HS3ST5: variants seen among roughly 807,000 people sequenced by gnomAD.
HS3ST5 encodes heparan sulfate-glucosamine 3-sulfotransferase 5.
A neutral mutation model predicts 25.4 loss-of-function variants in HS3ST5; 10 were observed. That is an observed-to-expected ratio of 0.39 (90% CI 0.24 to 0.67). The LOEUF (loss-of-function observed/expected upper bound fraction) is 0.67, where lower values mean the gene tolerates loss of function less well. HS3ST5 is among the 30% of genes least tolerant of loss of function. The pLI is 0.44. For synonymous variants in HS3ST5, 170 were observed against 162.4 expected (o/e 1.05, Z -0.36); for missense variants, 324 against 420.7 (o/e 0.77, Z 2.01).
At chr6:114,318,967 ATCT>A (rs1160123796) in intron 1 of HS3ST5, among the ~76,000 whole-genome samples, 98 of 152,304 alleles carry the variant, frequency 6.4e-4, no homozygotes, top group African/African-American at 2.3e-3. Context: ...TATTTCTATC[ATCT>A]TAGCAGTTTT....
At chr6:114,183,819 CAG>C (rs576871766) in intron 2 of HS3ST5, among the ~76,000 whole-genome samples, 280 of 152,238 alleles carry the variant, frequency 1.8e-3, no homozygotes, top group African/African-American at 6.4e-3. Context: ...TAATCATGTA[CAG>C]AGTGTTAGTA....
intron 2 of HS3ST5, among the ~76,000 whole-genome samples, chr6:114,191,222 G>GCT (rs369501853): frequency 1.1e-4 from 16 of 151,710 alleles, no homozygotes; most frequent in African/African-American, 3.6e-4. Context: ...GTATGTGTGT[G>GCT]CTCTCTCTCT....
intron 1 of HS3ST5, among the ~76,000 whole-genome samples, chr6:114,267,209 T>C (rs1428395215): frequency 1.3e-5 from 2 of 152,212 alleles, no homozygotes; most frequent in Non-Finnish European, 2.9e-5. Context: ...TGAGTCTATG[T>C]GATAAAATTA....
chr6:114,057,122 TC>T lies in HS3ST5; in HGVS notation c.*134del. ...GAAAAAGAACTGATCTTATATTTGG[TC>T]ACACACTGCGTATGTACAAATATAC... On this transcript the variant is annotated 3_prime_UTR_variant, in exon 5 of 5. Coordinates refer to ENST00000312719, the MANE Select transcript of HS3ST5 (RefSeq NM_153612.4). 1 of 625,590 alleles carries T rather than the reference TC, an allele frequency of 1.6e-6. No individual in the cohort carries two copies. Among genetic ancestry groups the T allele is most frequent in the Non-Finnish European group, 2.7e-6 (1 of 369,484 alleles). The allele number at this position is 625,590 out of a possible 1,614,324, so 38.8% of individuals were successfully genotyped here. A position where few individuals can be genotyped will look rare whatever the true frequency, so the allele number is the denominator to read the frequency against.
intron 1 of HS3ST5, among the ~76,000 whole-genome samples, chr6:114,282,592 A>G (rs1774164667): frequency 6.6e-6 from 1 of 151,986 alleles, no homozygotes; most frequent in Non-Finnish European, 1.5e-5. Context: ...TGTGGTTTGA[A>G]AGTTTGAATT....
intron 1 of HS3ST5, among the ~76,000 whole-genome samples, chr6:114,278,872 T>C (rs573995321): frequency 6.6e-5 from 10 of 152,036 alleles, no homozygotes; most frequent in Non-Finnish European, 1.3e-4. Flanking sequence ...AACGACAGAA[T>C]GCAGCTAACA....
intron 1 of HS3ST5, among the ~76,000 whole-genome samples, chr6:114,297,683 C>G (rs1231411126): frequency 6.6e-6 from 1 of 152,144 alleles, no homozygotes; most frequent in Non-Finnish European, 1.5e-5. Context: ...ATGGGGAATA[C>G]AGAACAGGCT....
chr6:114,139,393 T>G (rs1361093469), intron 3 of HS3ST5, among the ~76,000 whole-genome samples: 2 of 150,904 alleles, frequency 1.3e-5, no homozygotes. Flanking sequence ...GGGACAAAAG[T>G]TCAAAAAAAA....
chr6:114,256,045 T>A (rs566508842), intron 1 of HS3ST5, among the ~76,000 whole-genome samples: 2 of 152,210 alleles, frequency 1.3e-5, no homozygotes, highest in Non-Finnish European at 2.9e-5. Context: ...TAAACTTTTA[T>A]GCTCTGTTTC....
chr6:114,100,252 CTT>C (rs1775653407), intron 3 of HS3ST5, among the ~76,000 whole-genome samples: 1 of 152,090 alleles, frequency 6.6e-6, no homozygotes, highest in South Asian at 2.1e-4. Flanking sequence ...TCAAGACAAT[CTT>C]TATAGTCTCT....
intron 3 of HS3ST5, among the ~76,000 whole-genome samples, chr6:114,095,264 C>T (rs1775362249): frequency 6.6e-6 from 1 of 152,162 alleles, no homozygotes; most frequent in Non-Finnish European, 1.5e-5. Context: ...TGACAGAGAC[C>T]CTGGAGCCAT....
At chr6:114,087,982 G>C (rs572866805) in intron 3 of HS3ST5, among the ~76,000 whole-genome samples, 3 of 152,262 alleles carry the variant, frequency 2.0e-5, no homozygotes, top group Non-Finnish European at 4.4e-5. Flanking sequence ...CACAGCTTGA[G>C]ATGTACCAAA....
At chr6:114,294,596 C>T (rs964574387) in intron 1 of HS3ST5, among the ~76,000 whole-genome samples, 84 of 152,222 alleles carry the variant, frequency 5.5e-4, no homozygotes, top group African/African-American at 1.9e-3. Context: ...CAGGCGCCCG[C>T]CACTGCGCCC....
intron 2 of HS3ST5, among the ~76,000 whole-genome samples, chr6:114,184,131 C>T (rs893864372): frequency 1.6e-5 from 2 of 123,304 alleles, no homozygotes; most frequent in South Asian, 5.5e-4. Flanking sequence ...GGGGCACAGT[C>T]TCGGCTCACT....
intron 2 of HS3ST5, among the ~76,000 whole-genome samples, chr6:114,197,627 A>ACTCC (rs1293112478): frequency 2.7e-5 from 4 of 150,348 alleles, no homozygotes; most frequent in Non-Finnish European, 5.9e-5. Flanking sequence ...GCCTTTGCCC[A>ACTCC]CTCCCTCCCT....
intron 1 of HS3ST5, among the ~76,000 whole-genome samples, chr6:114,301,439 T>C (rs2114809892): frequency 6.6e-6 from 1 of 152,212 alleles, no homozygotes; most frequent in Admixed American, 6.5e-5. Flanking sequence ...CTCACCTGAG[T>C]CAATCCTGAA....
rs945657095 is a variant in HS3ST5, at chr6:114,058,057, C to A, written c.241G>T (p.Val81Phe). 6.2e-7 allele frequency: 1 copy of A among 1,614,172 alleles called. No individual in the cohort carries two copies. The change falls in exon 5 of 5, where the codon GTT becomes TTT. Residue 81 changes from valine to phenylalanine, a missense_variant. Val to Phe is a conservative substitution (Grantham distance 50). Transcript: ENST00000312719. ...TGCTGGACCAGGTCATGGAGGCGAACCTGCTCCTTGGAAGCGTTGCCCTTC... is the reference window on the plus strand; with the variant it reads ...TGCTGGACCAGGTCATGGAGGCGAAACTGCTCCTTGGAAGCGTTGCCCTTC... ...FRKGNASKEQ[V>F]RLHDLVQQLP...
At chr6:114,164,461 A>C (rs183371836) in intron 3 of HS3ST5, among the ~76,000 whole-genome samples, 1 of 152,320 alleles carries the variant, frequency 6.6e-6, no homozygotes, top group Admixed American at 6.5e-5. Flanking sequence ...AATACTTGAC[A>C]GTTGAAATTG....
At chr6:114,306,923 T>C (rs1775321332) in intron 1 of HS3ST5, among the ~76,000 whole-genome samples, 1 of 152,220 alleles carries the variant, frequency 6.6e-6, no homozygotes, top group Non-Finnish European at 1.5e-5. Context: ...TTTCAACATC[T>C]ATTTCTCCTG....
Sources: gnomAD v4.1 joint callset for allele counts (sites outside exome capture counted in the v4.1 genomes callset) on GRCh38, gnomAD v4.1.1 for gene constraint, MANE v1.5 for transcripts, NCBI Gene and HGNC (gene_info 2026-07-23, HGNC 2026-07-21) for gene names.